The following TUBGCP4 variants were observed in gnomAD, a reference collection of about 807,000 sequenced individuals.
TUBGCP4 encodes gamma-tubulin complex component 4.
TUBGCP4 carries 54 observed loss-of-function variants against 91.6 expected under a neutral mutation model. The ratio of observed to expected loss-of-function variants is 0.59; its 90% CI spans 0.47 to 0.74. The LOEUF is 0.74. Among genes scored for constraint, TUBGCP4 ranks in the 30% least tolerant of loss-of-function variants. The pLI, the probability that TUBGCP4 is intolerant of heterozygous loss-of-function variation, is 0.00. For synonymous variants in TUBGCP4, 297 were observed against 302.8 expected (o/e 0.98, Z 0.20); for missense variants, 593 against 800.9 (o/e 0.74, Z 3.13).
chr15:43,380,299 AGC>A (rs2044268688), intron 6 of TUBGCP4, 136 bp downstream of exon 6: 4 of 768,888 alleles, frequency 5.2e-6, no homozygotes, highest in Non-Finnish European at 8.6e-6. Context: ...AAGCTCCATG[AGC>A]AGAGGAGCCC....
intron 14 of TUBGCP4, among the ~76,000 whole-genome samples, chr15:43,400,913 G>A (rs1274389765): frequency 2.2e-4 from 33 of 150,668 alleles, no homozygotes; most frequent in African/African-American, 6.6e-4. Flanking sequence ...GTGAGACTCC[G>A]TCTCCAAAAA....
chr15:43,409,764 GATA>G, exon 18 of TUBGCP4: 2 of 1,221,728 alleles, frequency 1.6e-6, no homozygotes, highest in Admixed American at 2.3e-5. Context: ...AAAAAACCAA[GATA>G]ATAATTACTG....
chr15:43,397,173 T>C (rs1210889203), intron 11 of TUBGCP4, 41 bp from the exon 12 acceptor site: 1 of 1,500,466 alleles, frequency 6.7e-7, no homozygotes, highest in Non-Finnish European at 9.3e-7. Context: ...GTTTGTTATG[T>C]AGCCAAGCGT....
intron 8 of TUBGCP4, 26 bp downstream of exon 8, chr15:43,385,982 C>T: frequency 6.2e-7 from 1 of 1,611,192 alleles, no homozygotes; most frequent in Non-Finnish European, 8.5e-7. Context: ...TCCAATGTAC[C>T]ACACCCTCAA....
chr15:43,378,291 A>G (rs2044237820), intron 5 of TUBGCP4, among the ~76,000 whole-genome samples: 1 of 152,202 alleles, frequency 6.6e-6, no homozygotes, highest in Admixed American at 6.5e-5. Flanking sequence ...TTTTCTGAGA[A>G]TTTTGAGATC....
At chr15:43,377,973 C>T in intron 5 of TUBGCP4, 70 bp downstream of exon 5, 2 of 1,268,238 alleles carry the variant, frequency 1.6e-6, no homozygotes, top group Non-Finnish European at 2.2e-6. Context: ...TTTTGCTTTA[C>T]ATTATTTTTC....
rs542693707 is a variant in TUBGCP4, at chr15:43,401,626, A to C, written c.1597-90A>C. 16 of 1,404,952 alleles carry C rather than the reference A, an allele frequency of 1.1e-5. No individual in the cohort carries two copies. The African/African-American group carries it at 2.3e-4, about 20-fold the overall frequency. The allele number at this position is 1,404,952 out of a possible 1,614,324, so 87.0% of individuals were successfully genotyped here. ...GTTAGAAGGAAGATGAGTGGAGGCA[A>C]AGCATTTTCATTTCAATCTGTCAGG... On this transcript the variant is annotated intron_variant, in intron 14 of 17. Transcript: ENST00000564079.
intron 9 of TUBGCP4, among the ~76,000 whole-genome samples, chr15:43,392,149 C>G (rs2044481713): frequency 6.7e-6 from 1 of 148,558 alleles, no homozygotes; most frequent in South Asian, 2.1e-4. Context: ...TTCTGTGTTT[C>G]ATTGATATCT....
chr15:43,395,085 G>C, intron 9 of TUBGCP4, 22 bp from the exon 10 acceptor site: 1 of 1,613,984 alleles, frequency 6.2e-7, no homozygotes, highest in Non-Finnish European at 8.5e-7. Context: ...ATTTGTCCCT[G>C]TTTTGTTGGT....
intron 7 of TUBGCP4, 30 bp from the exon 8 acceptor site, chr15:43,385,761 C>T (rs768936383): frequency 6.2e-7 from 1 of 1,610,954 alleles, no homozygotes; most frequent in Non-Finnish European, 8.5e-7. Flanking sequence ...CTTCACACTG[C>T]ATCTCGATGT....
rs181309278 is a variant in TUBGCP4, at chr15:43,371,331, A to T, written c.-24A>T. ...CGCTGGAGGAGGGGGTGACATAACCAGGGACTCGAGGTCCGCCGTGGGAAT... is the reference window on the plus strand; with the variant it reads ...CGCTGGAGGAGGGGGTGACATAACCTGGGACTCGAGGTCCGCCGTGGGAAT... On this transcript the variant is annotated 5_prime_UTR_variant, in exon 1 of 18. Coordinates refer to ENST00000564079, the MANE Select transcript of TUBGCP4 (RefSeq NM_014444.5). The T allele has an allele frequency of 1.2e-4, 195 of 1,611,440 alleles. No individual in the cohort carries two copies. In the African/African-American group the frequency reaches 2.5e-3, roughly 20 times the overall value.
Position 43,373,687 on chromosome 15 carries a change from C to T in TUBGCP4, c.78+2255C>T, listed in dbSNP as rs546149828. ...TTTCCGAGATGGAGTCTCGCTCTGT[C>T]GCCCAGGCTGGAGTGCAGTGGTGCA... On this transcript the variant is annotated intron_variant, in intron 1 of 17. Coordinates refer to ENST00000564079, the MANE Select transcript of TUBGCP4 (RefSeq NM_014444.5). Among the ~76,000 whole-genome samples, 27 of 147,162 alleles carry T rather than the reference C, an allele frequency of 1.8e-4. No individual in the cohort carries two copies. In the South Asian group the frequency reaches 5.0e-3, roughly 27 times the overall value.
At chr15:43,371,989 A>G (rs1475457505) in intron 1 of TUBGCP4, among the ~76,000 whole-genome samples, 1 of 152,064 alleles carries the variant, frequency 6.6e-6, no homozygotes, top group Non-Finnish European at 1.5e-5. Context: ...AATCCTCACA[A>G]CCACCTTATC....
rs1408591828 is a variant in TUBGCP4 at position 43,404,526 on chromosome 15, T to C, written c.1962T>C (p.Tyr654=). 1.4e-5 allele frequency: 22 copies of C among 1,614,050 alleles called. No individual in the cohort carries two copies. Among genetic ancestry groups the C allele is most frequent in the East Asian group, 4.5e-5 (2 of 44,896 alleles). The change falls in exon 17 of 18, where the codon TAT becomes TAC. Residue 654 remains tyrosine (Y), a synonymous_variant. Transcript: ENST00000564079. Reference sequence around the variant, plus strand: ...TACGACTAGATTATAACAAATACTATACCCAGGCTGGTGGAACTCTGGGCA... The same window carrying C: ...TACGACTAGATTATAACAAATACTACACCCAGGCTGGTGGAACTCTGGGCA... ...LLLRLDYNKY[Y]TQAGGTLGSF...
At position 43,380,151 on chromosome 15, in the gene TUBGCP4, G is replaced by A. The variant is rs765213274; in HGVS notation, c.509G>A (p.Ser170Asn). 2 of 1,614,006 alleles carry A rather than the reference G, an allele frequency of 1.2e-6. No homozygotes were observed. The highest frequency in any genetic ancestry group is 3.3e-5 in the Admixed American group (2 of 60,002). The change falls in exon 6 of 18, where the codon AGT (serine) becomes AAT (asparagine). Residue 170 changes from serine (S) to asparagine (N), a missense_variant. By Grantham distance (46) the Ser-to-Asn change is conservative. Coordinates refer to ENST00000564079, the MANE Select transcript of TUBGCP4 (RefSeq NM_014444.5). The stretch of plus-strand genomic sequence containing the variant: ...TGTGGGGGGTTGCCTCCTGTTCGAA[G>A]TGCACTGGAAAAGTAAGTCATGGCT... The part of the protein sequence containing the change: ...HSCGGLPPVR[S>N]ALEKILAVCH...
rs753038492 is a variant in TUBGCP4, at chr15:43,376,604, A to G, written c.309A>G (p.Ala103=). The change falls in exon 3 of 18, where the codon GCA becomes GCG. Residue 103 remains alanine, a synonymous_variant. Transcript: ENST00000564079. ...LDSVLQPYRQ[A]LLDLEQEFLG... ...CTGTTTTGCAGCCTTATCGCCAAGC[A>G]CTGCTTGATTTGGAACAAGAGGTAA... 1 of 1,614,196 alleles carries G rather than the reference A, an allele frequency of 6.2e-7. No individual in the cohort carries two copies.
chr15:43,393,555 T>C (rs754792842), intron 9 of TUBGCP4, among the ~76,000 whole-genome samples: 13 of 152,008 alleles, frequency 8.6e-5, no homozygotes, highest in African/African-American at 2.2e-4. Context: ...ATTAACTCGT[T>C]ATTTAGCATT....
At chr15:43,375,835 T>C (rs1478627934) in intron 1 of TUBGCP4, among the ~76,000 whole-genome samples, 2 of 151,992 alleles carry the variant, frequency 1.3e-5, no homozygotes, top group African/African-American at 4.8e-5. Context: ...GCTTCTGGGG[T>C]GGTTGACTTA....
chr15:43,399,046 A>G (rs1406174587), intron 13 of TUBGCP4: 1 of 830,650 alleles, frequency 1.2e-6, no homozygotes, highest in East Asian at 6.5e-5. Flanking sequence ...AATTATCTTT[A>G]TGTTTGGGTT....
Sources: allele counts gnomAD v4.1 joint callset (sites outside exome capture counted in the v4.1 genomes callset), GRCh38; gene constraint gnomAD v4.1.1; transcripts MANE v1.5; gene names NCBI Gene and HGNC (gene_info 2026-07-23, HGNC 2026-07-21).